Variants in LHFPL3 observed in about 807,000 individuals in gnomAD.
LHFPL3 encodes the protein LHFPL tetraspan subfamily member 3 protein.
LHFPL3 carries 5 observed loss-of-function variants against 19.3 expected under a neutral mutation model. That is an observed-to-expected ratio of 0.26 (90% CI 0.14 to 0.54). The LOEUF (loss-of-function observed/expected upper bound fraction) is 0.54, where lower values mean the gene tolerates loss of function less well. LHFPL3 is among the 20% of genes least tolerant of loss of function. LHFPL3 has a pLI of 0.94. For missense variants in LHFPL3, 249 were observed against 307.4 expected, an observed-to-expected ratio of 0.81 and a Z score of 1.42; for synonymous variants, 133 against 126.2, an observed-to-expected ratio of 1.05 and a Z score of -0.36.
At chr7:104,773,764 C>T (rs1014754637) in intron 2 of LHFPL3, among the ~76,000 whole-genome samples, 1 of 152,110 alleles carries the variant, frequency 6.6e-6, no homozygotes, top group African/African-American at 2.4e-5. Context: ...GGCGACACAT[C>T]CACAAGCTAA....
chr7:104,335,905 T>C (rs921903993), intron 1 of LHFPL3, among the ~76,000 whole-genome samples: 5 of 150,930 alleles, frequency 3.3e-5, no homozygotes, highest in Admixed American at 2.0e-4. Context: ...AGTTCCAGTA[T>C]GTGGCTCAGT....
chr7:104,663,247 A>G (rs954864194), intron 1 of LHFPL3, among the ~76,000 whole-genome samples: 4 of 152,234 alleles, frequency 2.6e-5, no homozygotes, highest in Non-Finnish European at 5.9e-5. Context: ...ACCACATGCT[A>G]TAAGACCAAC....
intron 1 of LHFPL3, among the ~76,000 whole-genome samples, chr7:104,545,697 C>T (rs775433469): frequency 6.6e-6 from 1 of 152,208 alleles, no homozygotes; most frequent in African/African-American, 2.4e-5. Flanking sequence ...AGAGCAGGAA[C>T]GTAGTCTAGC....
chr7:104,560,533 T>C (rs1344351330), intron 1 of LHFPL3, among the ~76,000 whole-genome samples: 1 of 149,796 alleles, frequency 6.7e-6, no homozygotes, highest in Non-Finnish European at 1.5e-5. Flanking sequence ...GATATCCCCT[T>C]TATCATTTTT....
intron 1 of LHFPL3, among the ~76,000 whole-genome samples, chr7:104,623,776 G>A (rs6466007): frequency 0.19 from 28,936 of 152,134 alleles, 3,073 homozygotes; most frequent in East Asian, 0.44. Context: ...CTGCAGCTGA[G>A]CTTCCAGCCA....
chr7:104,565,455 C>T (rs185587236), intron 1 of LHFPL3, among the ~76,000 whole-genome samples: 29 of 152,268 alleles, frequency 1.9e-4, no homozygotes, highest in African/African-American at 6.5e-4. Context: ...AATTGGTCAA[C>T]ATTTCCAAAA....
chr7:104,722,021 T>G (rs2116250231), intron 1 of LHFPL3, among the ~76,000 whole-genome samples: 1 of 152,328 alleles, frequency 6.6e-6, no homozygotes, highest in African/African-American at 2.4e-5. Context: ...TTTTTCAAGT[T>G]CTAAATTCTG....
intron 1 of LHFPL3, among the ~76,000 whole-genome samples, chr7:104,635,170 G>A (rs1048864087): frequency 2.0e-5 from 3 of 152,018 alleles, no homozygotes; most frequent in Non-Finnish European, 4.4e-5. Context: ...AGACAATATG[G>A]GGGGGAAAGG....
chr7:104,389,334 G>C (rs940436672), intron 1 of LHFPL3, among the ~76,000 whole-genome samples: 1 of 152,090 alleles, frequency 6.6e-6, no homozygotes, highest in Non-Finnish European at 1.5e-5. Flanking sequence ...ACAACTTGCA[G>C]ACCGAAAACT....
intron 1 of LHFPL3, among the ~76,000 whole-genome samples, chr7:104,339,084 C>T (rs28583465): frequency 0.044 from 6,621 of 152,076 alleles, 449 homozygotes; most frequent in African/African-American, 0.15. Flanking sequence ...CCCGTCTCTA[C>T]TAAAAATACA....
At chr7:104,869,893 G>A (rs1302788911) in intron 2 of LHFPL3, among the ~76,000 whole-genome samples, 21 of 152,228 alleles carry the variant, frequency 1.4e-4, no homozygotes, top group Middle Eastern at 3.4e-3. Flanking sequence ...CATATACACC[G>A]TGGAATAGTA....
intron 2 of LHFPL3, among the ~76,000 whole-genome samples, chr7:104,817,287 TCAA>T (rs1446757605): frequency 6.6e-6 from 1 of 152,278 alleles, no homozygotes; most frequent in African/African-American, 2.4e-5. Context: ...GAGCAAAGGC[TCAA>T]CCTCAGATTT....
intron 1 of LHFPL3, among the ~76,000 whole-genome samples, chr7:104,562,137 T>G (rs1462939085): frequency 1.3e-5 from 2 of 151,848 alleles, no homozygotes; most frequent in Non-Finnish European, 2.9e-5. Context: ...ATTTCAACTT[T>G]GGTGAATCTG....
chr7:104,820,752 C>G (rs552300666), intron 2 of LHFPL3, among the ~76,000 whole-genome samples: 1 of 152,192 alleles, frequency 6.6e-6, no homozygotes, highest in African/African-American at 2.4e-5. Flanking sequence ...ACCACCCCCC[C>G]AGACCAAAGA....
intron 1 of LHFPL3, among the ~76,000 whole-genome samples, chr7:104,349,964 A>G (rs1192331129): frequency 6.6e-6 from 1 of 152,186 alleles, no homozygotes; most frequent in African/African-American, 2.4e-5. Context: ...CCATTTGCTG[A>G]GAGCTTTCCT....
intron 1 of LHFPL3, among the ~76,000 whole-genome samples, chr7:104,560,842 C>T (rs540774851): frequency 6.0e-5 from 9 of 150,536 alleles, no homozygotes; most frequent in Non-Finnish European, 1.0e-4. Context: ...TCCCTCTACA[C>T]ATTGCTTTGA....
At chr7:104,575,906 C>A (rs1326768286) in intron 1 of LHFPL3, among the ~76,000 whole-genome samples, 1 of 152,098 alleles carries the variant, frequency 6.6e-6, no homozygotes, top group East Asian at 1.9e-4. Context: ...CTAGAAGGGG[C>A]TTCAGGGAGG....
At chr7:104,406,958 C>A (rs1791428445) in intron 1 of LHFPL3, among the ~76,000 whole-genome samples, 1 of 152,102 alleles carries the variant, frequency 6.6e-6, no homozygotes. Context: ...CTTTGAAGTC[C>A]AAGGTATGAG....
intron 2 of LHFPL3, chr7:104,803,912 T>G (rs1473332125): frequency 2.6e-5 from 4 of 152,218 alleles, no homozygotes; most frequent in African/African-American, 9.6e-5. Context: ...CCTTGATAAA[T>G]TAATGTCAGG....
Sources: allele counts gnomAD v4.1 joint callset (sites outside exome capture counted in the v4.1 genomes callset), GRCh38; gene constraint gnomAD v4.1.1; transcripts MANE v1.5; gene names NCBI Gene and HGNC (gene_info 2026-07-23, HGNC 2026-07-21).